The following LRRTM4 variants were observed in gnomAD, a reference collection of about 807,000 sequenced individuals.
LRRTM4 encodes the protein leucine-rich repeat transmembrane neuronal protein 4.
In LRRTM4, 25 loss-of-function variants were observed where a neutral mutation model predicts 47.6. The ratio of observed to expected loss-of-function variants is 0.53; its 90% CI spans 0.38 to 0.73. The LOEUF (loss-of-function observed/expected upper bound fraction) is 0.73. Among genes scored for constraint, LRRTM4 ranks in the 30% least tolerant of loss-of-function variants. LRRTM4 has a pLI of 0.00. For synonymous variants in LRRTM4, 311 were observed against 269.5 expected, an observed-to-expected ratio of 1.15 and a Z score of -1.51; for missense variants, 638 against 713.4, an observed-to-expected ratio of 0.89 and a Z score of 1.20.
chr2:77,328,455 G>GC (rs1434988506), intron 3 of LRRTM4, among the ~76,000 whole-genome samples: 3 of 152,076 alleles, frequency 2.0e-5, no homozygotes, highest in African/African-American at 7.2e-5. Context: ...TTGCAGTCAT[G>GC]CCCCCTCCCT....
intron 3 of LRRTM4, among the ~76,000 whole-genome samples, chr2:76,851,613 A>T (rs1671997254): frequency 6.6e-6 from 1 of 152,082 alleles, no homozygotes; most frequent in South Asian, 2.1e-4. Flanking sequence ...CTGTTGCTTT[A>T]GATAATTGCT....
At chr2:77,429,290 G>C (rs756705671) in intron 3 of LRRTM4, among the ~76,000 whole-genome samples, 21 of 151,978 alleles carry the variant, frequency 1.4e-4, no homozygotes, top group Non-Finnish European at 4.4e-5. Flanking sequence ...TTATGACCCA[G>C]GAAAATTATC....
At chr2:77,216,286 G>A (rs1296747479) in intron 3 of LRRTM4, among the ~76,000 whole-genome samples, 3 of 152,160 alleles carry the variant, frequency 2.0e-5, no homozygotes, top group Non-Finnish European at 4.4e-5. Flanking sequence ...AAATAAATGA[G>A]TGTTCATAAT....
intron 3 of LRRTM4, among the ~76,000 whole-genome samples, chr2:76,894,847 T>A (rs1460921076): frequency 6.6e-6 from 1 of 151,690 alleles, no homozygotes; most frequent in Non-Finnish European, 1.5e-5. Context: ...TTGCAATACA[T>A]ATATACACAT....
chr2:76,839,080 GT>G (rs1671598337), intron 3 of LRRTM4, among the ~76,000 whole-genome samples: 1 of 152,134 alleles, frequency 6.6e-6, no homozygotes, highest in African/African-American at 2.4e-5. Flanking sequence ...GCACTGAAAT[GT>G]TTTTGTAGCA....
chr2:77,116,946 CAGACATAT>C (rs1671404378), intron 3 of LRRTM4, among the ~76,000 whole-genome samples: 1 of 152,042 alleles, frequency 6.6e-6, no homozygotes, highest in African/African-American at 2.4e-5. Context: ...AATACACACA[CAGACATAT>C]ACACACACAC....
chr2:77,339,830 G>A (rs1029945743), intron 3 of LRRTM4, among the ~76,000 whole-genome samples: 2 of 151,906 alleles, frequency 1.3e-5, no homozygotes, highest in African/African-American at 4.8e-5. Context: ...CAGAGGAAAG[G>A]TTGTATCAGG....
intron 2 of LRRTM4, 49 bp downstream of exon 2, chr2:77,521,619 G>C: frequency 6.2e-7 from 1 of 1,610,178 alleles, no homozygotes; most frequent in Non-Finnish European, 8.5e-7. Flanking sequence ...AGGATAGGAA[G>C]CCAAGAGGAT....
chr2:77,477,275 T>C (rs1352339670), intron 3 of LRRTM4, among the ~76,000 whole-genome samples: 1 of 152,102 alleles, frequency 6.6e-6, no homozygotes, highest in Non-Finnish European at 1.5e-5. Context: ...TCTGAAAAAT[T>C]CTGAGTGATA....
intron 3 of LRRTM4, among the ~76,000 whole-genome samples, chr2:76,922,545 C>A (rs914898111): frequency 6.6e-6 from 1 of 152,030 alleles, no homozygotes. Flanking sequence ...GGCACAGAGC[C>A]AAACCATATC....
At chr2:76,899,684 T>C (rs551585099) in intron 3 of LRRTM4, among the ~76,000 whole-genome samples, 2 of 152,268 alleles carry the variant, frequency 1.3e-5, no homozygotes, top group Admixed American at 1.3e-4. Flanking sequence ...ATGGAATTAC[T>C]AGGAATATTG....
chr2:77,245,627 T>A (rs1675424912), intron 3 of LRRTM4, among the ~76,000 whole-genome samples: 1 of 151,926 alleles, frequency 6.6e-6, no homozygotes, highest in South Asian at 2.1e-4. Flanking sequence ...TAAACACTTT[T>A]TTTTTGTGAT....
At chr2:77,187,911 A>T (rs1233927149) in intron 3 of LRRTM4, among the ~76,000 whole-genome samples, 18 of 152,134 alleles carry the variant, frequency 1.2e-4, no homozygotes, top group Admixed American at 1.1e-3. Context: ...ATATATAAAT[A>T]CAGAATGTTA....
intron 3 of LRRTM4, among the ~76,000 whole-genome samples, chr2:77,130,815 A>G (rs557157411): frequency 0.031 from 2,063 of 66,530 alleles, 28 homozygotes; most frequent in Admixed American, 0.042. Context: ...CCGGCCAATT[A>G]TTTGTTCTAT....
At chr2:77,224,282 T>C (rs1674736639) in intron 3 of LRRTM4, among the ~76,000 whole-genome samples, 1 of 151,946 alleles carries the variant, frequency 6.6e-6, no homozygotes, top group Admixed American at 6.6e-5. Flanking sequence ...GGCAATACCA[T>C]TCAGGACATA....
chr2:77,512,286 G>C (rs1280223693), intron 3 of LRRTM4, among the ~76,000 whole-genome samples: 4 of 152,022 alleles, frequency 2.6e-5, no homozygotes, highest in South Asian at 2.1e-4. Flanking sequence ...CAATTGTTTT[G>C]ATACCTTAGG....
chr2:77,457,000 G>A (rs376316571), intron 3 of LRRTM4, among the ~76,000 whole-genome samples: 1 of 24,700 alleles, frequency 4.0e-5, no homozygotes, highest in African/African-American at 1.5e-4. Context: ...GTATGTGTGT[G>A]TGTGTATATA....
intron 3 of LRRTM4, among the ~76,000 whole-genome samples, chr2:77,500,423 C>G (rs1419577784): frequency 2.7e-5 from 4 of 149,396 alleles, no homozygotes; most frequent in Admixed American, 6.7e-5. Flanking sequence ...GTAATAAGTG[C>G]ATTAAACATA....
chr2:77,186,479 T>A (rs561738048), intron 3 of LRRTM4, among the ~76,000 whole-genome samples: 34 of 152,274 alleles, frequency 2.2e-4, no homozygotes, highest in African/African-American at 7.7e-4. Context: ...TTATATAGAA[T>A]AAGCACTTAA....
Sources: allele counts gnomAD v4.1 joint callset (sites outside exome capture counted in the v4.1 genomes callset), GRCh38; gene constraint gnomAD v4.1.1; transcripts MANE v1.5; gene names NCBI Gene and HGNC (gene_info 2026-07-23, HGNC 2026-07-21).